Variants in SNX29 observed in about 807,000 individuals in gnomAD.
The protein encoded by SNX29 is sorting nexin 29, also known as sorting nexin-29.
In SNX29, 78 loss-of-function variants were observed where a neutral mutation model predicts 102.1. The ratio of observed to expected loss-of-function variants is 0.76; its 90% CI spans 0.64 to 0.92. The LOEUF is 0.92. Ranked by LOEUF, SNX29 falls within the 40% of genes least tolerant of loss-of-function variation. SNX29 has a pLI of 0.00. For synonymous variants in SNX29, 580 were observed against 414.5 expected, an observed-to-expected ratio of 1.40 and a Z score of -4.85; for missense variants, 1,280 against 1,061.7, an observed-to-expected ratio of 1.21 and a Z score of -2.86.
chr16:12,531,437 G>C (rs547713773), intron 20 of SNX29, among the ~76,000 whole-genome samples: 97 of 152,332 alleles, frequency 6.4e-4, no homozygotes, highest in African/African-American at 2.2e-3. Context: ...GGGAGGGCCT[G>C]ACCCAGATGG....
At chr16:12,554,886 C>G (rs79192676) in intron 20 of SNX29, among the ~76,000 whole-genome samples, 1,835 of 152,216 alleles carry the variant, frequency 0.012, 53 homozygotes, top group South Asian at 0.11. Flanking sequence ...TGTCAGCATG[C>G]CATACAGGAC....
At chr16:12,207,708 C>T (rs978740290) in intron 14 of SNX29, among the ~76,000 whole-genome samples, 9 of 152,146 alleles carry the variant, frequency 5.9e-5, no homozygotes, top group South Asian at 2.1e-4. Flanking sequence ...ATTTGTGGTA[C>T]GATCCAGCTC....
At chr16:12,412,221 G>A (rs1025846922) in intron 18 of SNX29, among the ~76,000 whole-genome samples, 1 of 152,216 alleles carries the variant, frequency 6.6e-6, no homozygotes, top group Non-Finnish European at 1.5e-5. Flanking sequence ...CTATGGGGTA[G>A]GCACTGTTTT....
chr16:12,527,139 C>G (rs1430072820), intron 20 of SNX29: 2 of 506,402 alleles, frequency 3.9e-6, no homozygotes, highest in South Asian at 3.2e-5. Flanking sequence ...CCAAATCCCA[C>G]AGCCCCCTTC....
At chr16:12,027,946 G>A (rs1345327969) in intron 4 of SNX29, among the ~76,000 whole-genome samples, 2 of 152,196 alleles carry the variant, frequency 1.3e-5, no homozygotes, top group African/African-American at 4.8e-5. Context: ...GCACTTTGAT[G>A]TAAATTAACT....
intron 15 of SNX29, among the ~76,000 whole-genome samples, chr16:12,308,836 C>T (rs187369265): frequency 3.9e-4 from 60 of 152,178 alleles, no homozygotes; most frequent in African/African-American, 1.4e-3. Context: ...CTGCAAGTCC[C>T]GGTGGCTGCA....
At chr16:12,016,315 C>G (rs1274259023) in intron 3 of SNX29, among the ~76,000 whole-genome samples, 1 of 151,786 alleles carries the variant, frequency 6.6e-6, no homozygotes, top group Admixed American at 6.6e-5. Flanking sequence ...TTTTAATATA[C>G]TGAGGATTTT....
intron 11 of SNX29, among the ~76,000 whole-genome samples, chr16:12,103,868 T>G (rs567177872): frequency 6.6e-6 from 1 of 152,186 alleles, no homozygotes; most frequent in Non-Finnish European, 1.5e-5. Context: ...GAAAGTGTAT[T>G]CTTAATGTTT....
intron 19 of SNX29, among the ~76,000 whole-genome samples, chr16:12,485,836 G>A (rs543594015): frequency 1.1e-4 from 17 of 152,216 alleles, no homozygotes; most frequent in Admixed American, 1.0e-3. Flanking sequence ...GGAGAGAGAA[G>A]CAGAGAAGGC....
intron 1 of SNX29, among the ~76,000 whole-genome samples, chr16:11,983,330 T>C (rs571134111): frequency 2.7e-5 from 4 of 149,758 alleles, no homozygotes; most frequent in Non-Finnish European, 4.4e-5. Context: ...TGTCTCAACC[T>C]TCCAAAGTGC....
intron 20 of SNX29, among the ~76,000 whole-genome samples, chr16:12,563,771 C>G (rs936184522): frequency 6.6e-6 from 1 of 152,238 alleles, no homozygotes; most frequent in African/African-American, 2.4e-5. Context: ...CCACCCTTGT[C>G]TGCCGACCTG....
intron 19 of SNX29, among the ~76,000 whole-genome samples, chr16:12,506,638 C>G (rs761484028): frequency 2.4e-4 from 37 of 152,180 alleles, no homozygotes; most frequent in Non-Finnish European, 2.9e-4. Flanking sequence ...ACTGAGCTTT[C>G]TAGCATTTTA....
intron 13 of SNX29, among the ~76,000 whole-genome samples, chr16:12,160,797 C>T (rs762589052): frequency 8.5e-5 from 13 of 152,186 alleles, no homozygotes; most frequent in Non-Finnish European, 1.3e-4. Context: ...CACTTAAAAA[C>T]GTAACTTCAT....
intron 15 of SNX29, among the ~76,000 whole-genome samples, chr16:12,355,877 G>A (rs137869092): frequency 1.2e-3 from 107 of 92,304 alleles, no homozygotes; most frequent in East Asian, 6.5e-3. Context: ...AAAAAAAAAA[G>A]AGAGAGGAAA....
At chr16:12,390,700 C>T (rs1450213397) in intron 16 of SNX29, among the ~76,000 whole-genome samples, 1 of 152,018 alleles carries the variant, frequency 6.6e-6, no homozygotes, top group African/African-American at 2.4e-5. Context: ...CTGCCAGGTG[C>T]TGGGCTGGGA....
intron 3 of SNX29, among the ~76,000 whole-genome samples, chr16:12,021,355 G>A (rs1346271169): frequency 6.6e-6 from 1 of 152,024 alleles, no homozygotes; most frequent in African/African-American, 2.4e-5. Flanking sequence ...GAACCCAGGA[G>A]ACAGAGGTTG....
chr16:12,066,972 G>A (rs1334440064), intron 9 of SNX29, among the ~76,000 whole-genome samples: 1 of 148,344 alleles, frequency 6.7e-6, no homozygotes, highest in African/African-American at 2.5e-5. Flanking sequence ...TAGTGAGACC[G>A]TGTCTCTAAA....
At chr16:12,260,380 A>C (rs185704363) in intron 14 of SNX29, among the ~76,000 whole-genome samples, 1 of 152,030 alleles carries the variant, frequency 6.6e-6, no homozygotes, top group Non-Finnish European at 1.5e-5. Flanking sequence ...CTTCCTTCTC[A>C]TCCTTCATCT....
In SNX29 at chr16:12,249,497, C is replaced by T. The variant is rs575626390; in HGVS notation, c.1679-28436C>T. On this transcript the variant is annotated intron_variant, in intron 14 of 20. Coordinates refer to ENST00000566228, the MANE Select transcript of SNX29 (RefSeq NM_032167.5). ...TCAGTCCAGGACGGGACTGCACAAG[C>T]GTGTGGATCCCAGGAGGTGGGGTTC... Among the ~76,000 whole-genome samples the T allele has an allele frequency of 3.9e-5, 6 of 152,312 alleles. No homozygotes were observed. The South Asian group carries it at 1.0e-3, about 26-fold the overall frequency.
Sources: gnomAD v4.1 joint callset for allele counts (sites outside exome capture counted in the v4.1 genomes callset) on GRCh38, gnomAD v4.1.1 for gene constraint, MANE v1.5 for transcripts, NCBI Gene and HGNC (gene_info 2026-07-23, HGNC 2026-07-21) for gene names.